CTNNA3: variants seen among roughly 807,000 people sequenced by gnomAD.
The protein encoded by CTNNA3 is catenin alpha-3.
In CTNNA3, 76 loss-of-function variants were observed where a neutral mutation model predicts 95.7. The observed-to-expected ratio is 0.79, with a 90% confidence interval of 0.66 to 0.96. CTNNA3 has a LOEUF of 0.96. CTNNA3 is among the 40% of genes least tolerant of loss of function. CTNNA3 has a pLI of 0.00. For synonymous variants in CTNNA3, 431 were observed against 374.4 expected, an observed-to-expected ratio of 1.15 and a Z score of -1.74; for missense variants, 1,191 against 1,089.8, an observed-to-expected ratio of 1.09 and a Z score of -1.31.
At chr10:67,667,605 T>A (rs1186790386) in intron 1 of CTNNA3, among the ~76,000 whole-genome samples, 1 of 152,114 alleles carries the variant, frequency 6.6e-6, no homozygotes, top group Non-Finnish European at 1.5e-5. Context: ...AAATAAAAAA[T>A]TATAGGTTAT....
intron 5 of CTNNA3, among the ~76,000 whole-genome samples, chr10:67,289,566 T>A (rs1839749703): frequency 6.6e-6 from 1 of 152,060 alleles, no homozygotes; most frequent in Admixed American, 6.6e-5. Flanking sequence ...ATTCTAAAGA[T>A]CTCTTACCAC....
chr10:67,497,103 C>T (rs1444472346), intron 5 of CTNNA3, among the ~76,000 whole-genome samples: 2 of 152,102 alleles, frequency 1.3e-5, no homozygotes, highest in African/African-American at 4.8e-5. Flanking sequence ...CACTGACAGG[C>T]CCTGGTGTGT....
intron 5 of CTNNA3, among the ~76,000 whole-genome samples, chr10:67,426,018 TA>T (rs1845911149): frequency 6.6e-6 from 1 of 152,038 alleles, no homozygotes; most frequent in African/African-American, 2.4e-5. Flanking sequence ...TCACAGGTCC[TA>T]AGGAAGAGAC....
chr10:67,728,011 ATATATCATATATTAT>A (rs1420743628), intron 1 of CTNNA3, among the ~76,000 whole-genome samples: 2 of 140,472 alleles, frequency 1.4e-5, no homozygotes, highest in East Asian at 3.9e-4. Context: ...ATTATGTATT[ATATATCATATATTAT>A]ATATGATATA....
chr10:67,563,970 G>A (rs1253904168), intron 3 of CTNNA3, among the ~76,000 whole-genome samples: 6 of 148,740 alleles, frequency 4.0e-5, no homozygotes, highest in Non-Finnish European at 8.9e-5. Flanking sequence ...TTAGAATGGC[G>A]ATCATTAAAA....
chr10:67,401,084 T>G (rs1407933518), intron 5 of CTNNA3, among the ~76,000 whole-genome samples: 1 of 152,082 alleles, frequency 6.6e-6, no homozygotes, highest in African/African-American at 2.4e-5. Flanking sequence ...CACATTAAAA[T>G]AAATGACATC....
At position 66,520,762 on chromosome 10, in the gene CTNNA3, A is replaced by C. The variant is rs1344751431; in HGVS notation, c.1386T>G (p.Ala462=). 5.6e-6 allele frequency: 9 copies of C among 1,612,556 alleles called. No homozygotes were observed. The highest frequency in any genetic ancestry group is 1.7e-5 in the Admixed American group (1 of 59,816). The change falls in exon 11 of 18, where the codon GCT becomes GCG. Residue 462 remains alanine, a synonymous_variant. Transcript: ENST00000433211. ...LETLCPQIIN[A]ALALAARPKS... ...TGGGTCTTGCAGCCAAAGCAAGTGCAGCATTAATAATCTATAAAGATAAGG... is the reference window on the plus strand; with the variant it reads ...TGGGTCTTGCAGCCAAAGCAAGTGCCGCATTAATAATCTATAAAGATAAGG...
intron 12 of CTNNA3, among the ~76,000 whole-genome samples, chr10:66,294,295 T>C (rs2091739129): frequency 6.6e-6 from 1 of 152,122 alleles, no homozygotes; most frequent in African/African-American, 2.4e-5. Context: ...TCAACTCTGT[T>C]CCAATGAGAG....
chr10:67,000,343 G>A (rs1589577371), intron 7 of CTNNA3, among the ~76,000 whole-genome samples: 1 of 152,170 alleles, frequency 6.6e-6, no homozygotes, highest in East Asian at 1.9e-4. Context: ...TGACCCAATA[G>A]ACAAGACAGC....
chr10:67,441,264 C>CA (rs760690984), intron 5 of CTNNA3, among the ~76,000 whole-genome samples: 6,672 of 97,450 alleles, frequency 0.068, 426 homozygotes, highest in East Asian at 0.4. Flanking sequence ...TGAGAGAAGA[C>CA]AAAAAAAAAA....
chr10:66,446,481 C>A (rs2093422269), intron 11 of CTNNA3, among the ~76,000 whole-genome samples: 1 of 151,554 alleles, frequency 6.6e-6, no homozygotes, highest in African/African-American at 2.4e-5. Context: ...CCACCATGAT[C>A]AAGTGGGCTT....
intron 7 of CTNNA3, among the ~76,000 whole-genome samples, chr10:66,836,544 G>A (rs1290437768): frequency 6.6e-6 from 1 of 152,064 alleles, no homozygotes; most frequent in East Asian, 1.9e-4. Context: ...AAAAGTAAAT[G>A]GCAAAATATA....
chr10:67,319,901 A>AC (rs1353576351), intron 5 of CTNNA3, among the ~76,000 whole-genome samples: 30 of 151,500 alleles, frequency 2.0e-4, no homozygotes, highest in Admixed American at 6.6e-5. Context: ...AGTCTCAAAA[A>AC]AAAAAAAAAA....
At chr10:67,185,984 C>T (rs886509043) in intron 6 of CTNNA3, among the ~76,000 whole-genome samples, 14 of 150,446 alleles carry the variant, frequency 9.3e-5, no homozygotes, top group Non-Finnish European at 1.6e-4. Flanking sequence ...CGAGATCACA[C>T]CAGTGTACTC....
intron 11 of CTNNA3, among the ~76,000 whole-genome samples, chr10:66,433,295 T>C (rs2093311903): frequency 6.6e-6 from 1 of 152,178 alleles, no homozygotes; most frequent in Admixed American, 6.5e-5. Context: ...TTTCTCCACA[T>C]CCTTTCCACC....
At chr10:67,327,171 C>G (rs745600992) in intron 5 of CTNNA3, among the ~76,000 whole-genome samples, 2 of 152,190 alleles carry the variant, frequency 1.3e-5, no homozygotes, top group Non-Finnish European at 2.9e-5. Context: ...TTTCAAAATA[C>G]TTCTGTAGCT....
chr10:66,238,498 A>G (rs2089964993), intron 13 of CTNNA3, among the ~76,000 whole-genome samples: 1 of 152,044 alleles, frequency 6.6e-6, no homozygotes, highest in African/African-American at 2.4e-5. Flanking sequence ...AAATAGTTGT[A>G]TAGACAGCCA....
chr10:65,930,433 G>T, intron 17 of CTNNA3, among the ~76,000 whole-genome samples: 1 of 152,212 alleles, frequency 6.6e-6, no homozygotes, highest in Middle Eastern at 3.4e-3. Flanking sequence ...CTTGTCAGCA[G>T]TCTGTCAATT....
At chr10:66,061,963 T>C (rs1213368001) in intron 15 of CTNNA3, among the ~76,000 whole-genome samples, 1 of 152,198 alleles carries the variant, frequency 6.6e-6, no homozygotes, top group African/African-American at 2.4e-5. Flanking sequence ...GGTCTTATCC[T>C]GTGTTTAGCA....
Sources: gnomAD v4.1 joint callset for allele counts (sites outside exome capture counted in the v4.1 genomes callset) on GRCh38, gnomAD v4.1.1 for gene constraint, MANE v1.5 for transcripts, NCBI Gene and HGNC (gene_info 2026-07-23, HGNC 2026-07-21) for gene names.